The following RGS6 variants were observed in gnomAD, a reference collection of about 807,000 sequenced individuals.
RGS6 encodes the protein regulator of G protein signaling 6.
Under a neutral mutation model 78.5 loss-of-function variants are expected in RGS6, and 30 were observed. That is an observed-to-expected ratio of 0.38 (90% CI 0.29 to 0.52). The LOEUF is 0.52. Ranked by LOEUF, RGS6 falls within the 20% of genes least tolerant of loss-of-function variation. The probability of loss-of-function intolerance (pLI) is 0.85; values close to 1 mark genes in which losing one functional copy is unlikely to be tolerated. For missense variants in RGS6, 495 were observed against 609.7 expected, an observed-to-expected ratio of 0.81 and a Z score of 1.98; for synonymous variants, 206 against 206.0, an observed-to-expected ratio of 1.00 and a Z score of 0.00.
intron 2 of RGS6, among the ~76,000 whole-genome samples, chr14:71,998,771 T>C (rs8014500): frequency 0.94 from 142,738 of 152,270 alleles, 67,004 homozygotes; most frequent in East Asian, 0.99. Context: ...CTAAAAGGAG[T>C]GTGAAATGGA....
At chr14:72,163,289 A>C (rs1412438314) in intron 2 of RGS6, among the ~76,000 whole-genome samples, 1 of 152,256 alleles carries the variant, frequency 6.6e-6, no homozygotes, top group Non-Finnish European at 1.5e-5. Context: ...TTAAAACTCT[A>C]ATTGTTTCCA....
At chr14:72,437,209 C>T (rs1290799174) in intron 3 of RGS6, among the ~76,000 whole-genome samples, 5 of 148,128 alleles carry the variant, frequency 3.4e-5, no homozygotes, top group Non-Finnish European at 7.4e-5. Context: ...GGCATGGTGG[C>T]GGGTGCCTGT....
At chr14:72,014,716 T>TA (rs1424814962) in intron 2 of RGS6, among the ~76,000 whole-genome samples, 1 of 152,230 alleles carries the variant, frequency 6.6e-6, no homozygotes, top group Non-Finnish European at 1.5e-5. Flanking sequence ...GCATGGATGT[T>TA]AAACAGATGT....
intron 2 of RGS6, among the ~76,000 whole-genome samples, chr14:72,094,741 C>T (rs1234441781): frequency 6.6e-6 from 1 of 152,056 alleles, no homozygotes; most frequent in African/African-American, 2.4e-5. Context: ...TTTCGTTATA[C>T]CTTAATTATG....
the RGS6 span, among the ~76,000 whole-genome samples, chr14:72,573,596 A>G: frequency 3.3e-5 from 5 of 152,216 alleles, no homozygotes; most frequent in Non-Finnish European, 5.9e-5. Flanking sequence ...AGGGGGTCAA[A>G]TTGAAGTCCA....
chr14:72,073,820 G>A (rs1264279296), intron 2 of RGS6, among the ~76,000 whole-genome samples: 2 of 152,032 alleles, frequency 1.3e-5, no homozygotes, highest in African/African-American at 4.8e-5. Context: ...ATAGTGACTG[G>A]CACAAAATAG....
intron 6 of RGS6, among the ~76,000 whole-genome samples, chr14:72,461,456 A>G (rs2095779560): frequency 6.6e-6 from 1 of 152,212 alleles, no homozygotes; most frequent in African/African-American, 2.4e-5. Context: ...GGCTCTCATT[A>G]AACAAAAATT....
intron 2 of RGS6, among the ~76,000 whole-genome samples, chr14:72,296,019 A>C (rs548403598): frequency 1.3e-5 from 2 of 152,342 alleles, no homozygotes; most frequent in South Asian, 2.1e-4. Context: ...TCCCCTTCCC[A>C]ATAAATCTTT....
At chr14:71,970,433 G>C (rs556748243) in intron 2 of RGS6, among the ~76,000 whole-genome samples, 2 of 152,156 alleles carry the variant, frequency 1.3e-5, no homozygotes, top group Non-Finnish European at 2.9e-5. Context: ...CTGGGCAGTT[G>C]TTGGTTTAGG....
chr14:72,519,502 T>C (rs2153463043), intron 15 of RGS6, among the ~76,000 whole-genome samples: 1 of 152,326 alleles, frequency 6.6e-6, no homozygotes, highest in African/African-American at 2.4e-5. Flanking sequence ...ATGCAAATAA[T>C]GGCATGAGAA....
intron 3 of RGS6, among the ~76,000 whole-genome samples, chr14:72,440,832 G>A (rs1225703731): frequency 6.6e-6 from 1 of 152,166 alleles, no homozygotes; most frequent in Non-Finnish European, 1.5e-5. Context: ...ACATATTACA[G>A]GAGCTATTAG....
chr14:72,200,586 G>A (rs1162634687), intron 2 of RGS6, among the ~76,000 whole-genome samples: 1 of 151,658 alleles, frequency 6.6e-6, no homozygotes, highest in Non-Finnish European at 1.5e-5. Context: ...AGCACAGGAC[G>A]GGGAGTGGTA....
At chr14:72,018,194 G>GTTTGC (rs2087511483) in intron 2 of RGS6, among the ~76,000 whole-genome samples, 1 of 151,672 alleles carries the variant, frequency 6.6e-6, no homozygotes, top group Non-Finnish European at 1.5e-5. Context: ...GTCTTTTCTT[G>GTTTGC]TTTGTTTTGT....
chr14:72,100,826 A>G (rs767895517), intron 2 of RGS6, among the ~76,000 whole-genome samples: 1 of 152,222 alleles, frequency 6.6e-6, no homozygotes. Context: ...CACTTAAATC[A>G]TAGTCTCTGG....
At chr14:72,258,944 A>AAAAT (rs1181488221) in intron 2 of RGS6, among the ~76,000 whole-genome samples, 7 of 152,282 alleles carry the variant, frequency 4.6e-5, no homozygotes, top group African/African-American at 1.7e-4. Context: ...AGCCAAGGAG[A>AAAAT]AAATGGAAAC....
intron 2 of RGS6, among the ~76,000 whole-genome samples, chr14:72,346,953 G>A (rs897555920): frequency 2.0e-5 from 3 of 152,190 alleles, no homozygotes; most frequent in Admixed American, 6.5e-5. Flanking sequence ...CCTGCTGTTT[G>A]GAAGAATGTT....
the RGS6 span, among the ~76,000 whole-genome samples, chr14:71,904,948 A>G: frequency 6.6e-6 from 1 of 151,992 alleles, no homozygotes; most frequent in African/African-American, 2.4e-5. Flanking sequence ...TTCCTCAGGC[A>G]ACTTTGAAAT....
At chr14:72,437,421 G>A (rs1370449511) in intron 3 of RGS6, among the ~76,000 whole-genome samples, 1 of 151,504 alleles carries the variant, frequency 6.6e-6, no homozygotes, top group African/African-American at 2.4e-5. Context: ...TCCTTTGCTG[G>A]GGTTTCCTCA....
intron 2 of RGS6, among the ~76,000 whole-genome samples, chr14:72,320,948 T>A (rs1227638040): frequency 6.7e-6 from 1 of 149,926 alleles, no homozygotes; most frequent in Non-Finnish European, 1.5e-5. Context: ...ATATACTAAG[T>A]ATATTTAAAT....
Sources: gnomAD v4.1 joint callset for allele counts (sites outside exome capture counted in the v4.1 genomes callset) on GRCh38, gnomAD v4.1.1 for gene constraint, MANE v1.5 for transcripts, NCBI Gene and HGNC (gene_info 2026-07-23, HGNC 2026-07-21) for gene names.